The following TMEM232 variants were observed in gnomAD, a reference collection of about 807,000 sequenced individuals.
TMEM232 encodes transmembrane protein 232.
Under a neutral mutation model 78.8 loss-of-function variants are expected in TMEM232, and 80 were observed. The ratio of observed to expected loss-of-function variants is 1.01; its 90% CI spans 0.85 to 1.22. TMEM232 has a LOEUF of 1.22. Among genes scored for constraint, TMEM232 ranks in the 50% most tolerant of loss-of-function variants. The pLI, the probability that TMEM232 is intolerant of heterozygous loss-of-function variation, is 0.00. For synonymous variants in TMEM232, 297 were observed against 254.3 expected, an observed-to-expected ratio of 1.17 and a Z score of -1.60; for missense variants, 881 against 742.2, an observed-to-expected ratio of 1.19 and a Z score of -2.17.
At chr5:110,545,710 T>C (rs1773684431) in intron 11 of TMEM232, among the ~76,000 whole-genome samples, 2 of 152,090 alleles carry the variant, frequency 1.3e-5, no homozygotes, top group African/African-American at 4.8e-5. Context: ...GTTTTAAAGA[T>C]TGCACCATAA....
intron 1 of TMEM232, among the ~76,000 whole-genome samples, chr5:110,720,318 T>C (rs1797464008): frequency 6.6e-6 from 1 of 152,098 alleles, no homozygotes; most frequent in Non-Finnish European, 1.5e-5. Context: ...AGCCTCTTTC[T>C]TATGCATGAA....
intron 1 of TMEM232, among the ~76,000 whole-genome samples, chr5:110,711,472 G>T (rs1323760544): frequency 1.3e-5 from 2 of 152,024 alleles, no homozygotes; most frequent in African/African-American, 4.8e-5. Flanking sequence ...CTAGAAAAAA[G>T]AACAAAATTG....
intron 12 of TMEM232, among the ~76,000 whole-genome samples, chr5:110,515,472 C>CATTT (rs144146347): frequency 0.15 from 22,364 of 151,962 alleles, 2,007 homozygotes; most frequent in African/African-American, 0.25. Flanking sequence ...GAGCCAAAAA[C>CATTT]ATTTCTCCAC....
chr5:110,425,573 A>G (rs1304959072), intron 12 of TMEM232, among the ~76,000 whole-genome samples: 2 of 152,056 alleles, frequency 1.3e-5, no homozygotes, highest in African/African-American at 4.8e-5. Context: ...TAAGACTGGA[A>G]CTAATTTTTT....
intron 1 of TMEM232, among the ~76,000 whole-genome samples, chr5:110,695,357 T>G (rs886192104): frequency 4.6e-5 from 7 of 152,206 alleles, no homozygotes; most frequent in South Asian, 2.1e-4. Context: ...GCAGGAAAGA[T>G]CTAAAATTGA....
intron 1 of TMEM232, among the ~76,000 whole-genome samples, chr5:110,714,905 C>G (rs1796866725): frequency 6.6e-6 from 1 of 152,014 alleles, no homozygotes; most frequent in Non-Finnish European, 1.5e-5. Flanking sequence ...CATGATAATG[C>G]TGGGGTGATT....
intron 8 of TMEM232, among the ~76,000 whole-genome samples, chr5:110,608,546 T>C (rs994447618): frequency 6.6e-6 from 1 of 152,048 alleles, no homozygotes; most frequent in African/African-American, 2.4e-5. Context: ...TTCTTTTCTC[T>C]TTCAAGTCTG....
At chr5:110,510,490 T>C (rs952709687) in intron 12 of TMEM232, among the ~76,000 whole-genome samples, 2 of 152,222 alleles carry the variant, frequency 1.3e-5, no homozygotes, top group African/African-American at 4.8e-5. Context: ...ATTCATCTCC[T>C]TTCCATTTCT....
intron 1 of TMEM232, chr5:110,667,872 T>G (rs1253370014): frequency 1.3e-5 from 2 of 152,202 alleles, no homozygotes; most frequent in Non-Finnish European, 2.9e-5. Flanking sequence ...GTCTCCTGTC[T>G]TTTCGTCATT....
Position 110,428,662 on chromosome 5 carries a change from C to T in TMEM232, c.1704-3746G>A, listed in dbSNP as rs187883056. ...CCTCCTGTCTTTTTTTTTTTTTCCC[C>T]AGAAGAGTTGAGTTTAATTTCTCTC... is the stretch of plus-strand genomic sequence containing the variant. On this transcript the variant is annotated intron_variant, in intron 12 of 13. Coordinates refer to ENST00000455884, the MANE Select transcript of TMEM232 (RefSeq NM_001039763.4). Among the ~76,000 whole-genome samples the T allele has an allele frequency of 2.7e-3, 413 of 150,706 alleles. 3 individuals are homozygous for T. The highest frequency in any genetic ancestry group is 9.6e-3 in the African/African-American group (395 of 41,088).
chr5:110,610,055 T>C (rs750830828), intron 8 of TMEM232, among the ~76,000 whole-genome samples: 3 of 151,672 alleles, frequency 2.0e-5, no homozygotes, highest in African/African-American at 7.3e-5. Context: ...AGGTAGGAGA[T>C]TGCAAAGAAA....
intron 1 of TMEM232, among the ~76,000 whole-genome samples, chr5:110,707,905 C>T (rs1241462811): frequency 1.3e-5 from 2 of 152,090 alleles, no homozygotes; most frequent in Non-Finnish European, 2.9e-5. Flanking sequence ...TTAGACACAC[C>T]CCGGGCCAAA....
At chr5:110,652,403 C>CAT (rs942903943) in intron 2 of TMEM232, among the ~76,000 whole-genome samples, 45 of 151,992 alleles carry the variant, frequency 3.0e-4, no homozygotes, top group African/African-American at 1.1e-3. Context: ...CTAGGGAAAA[C>CAT]ATAGTTATGT....
intron 2 of TMEM232, among the ~76,000 whole-genome samples, chr5:110,402,568 G>T (rs1755640598): frequency 6.6e-6 from 1 of 152,076 alleles, no homozygotes; most frequent in African/African-American, 2.4e-5. Context: ...ACTAGGGGAT[G>T]GCACCACAAT....
intron 12 of TMEM232, chr5:110,513,977 C>G (rs1432954058): frequency 5.9e-6 from 1 of 169,792 alleles, no homozygotes; most frequent in Non-Finnish European, 1.5e-5. Flanking sequence ...CACTCCCAAT[C>G]TCTGGGCATT....
At chr5:110,718,381 G>A (rs138808877) in intron 1 of TMEM232, among the ~76,000 whole-genome samples, 1 of 152,054 alleles carries the variant, frequency 6.6e-6, no homozygotes, top group Non-Finnish European at 1.5e-5. Context: ...AAATTATATT[G>A]ATGAGAAGCA....
intron 11 of TMEM232, among the ~76,000 whole-genome samples, chr5:110,549,995 C>T (rs973660021): frequency 6.6e-6 from 1 of 152,004 alleles, no homozygotes; most frequent in African/African-American, 2.4e-5. Flanking sequence ...AACTTTCATA[C>T]AAAACCTTAA....
intron 12 of TMEM232, among the ~76,000 whole-genome samples, chr5:110,461,172 C>A (rs1185826187): frequency 1.3e-5 from 2 of 151,406 alleles, no homozygotes; most frequent in East Asian, 3.9e-4. Flanking sequence ...TCTCTAGTAC[C>A]AAATAGTCAA....
intron 11 of TMEM232, among the ~76,000 whole-genome samples, chr5:110,562,811 G>C (rs1287101072): frequency 2.6e-5 from 4 of 151,796 alleles, no homozygotes; most frequent in Admixed American, 2.6e-4. Flanking sequence ...TATATCTGTA[G>C]TGTCTTAATA....
Sources: allele counts gnomAD v4.1 joint callset (sites outside exome capture counted in the v4.1 genomes callset), GRCh38; gene constraint gnomAD v4.1.1; transcripts MANE v1.5; gene names NCBI Gene and HGNC (gene_info 2026-07-23, HGNC 2026-07-21).